DLC1: variants seen among roughly 807,000 people sequenced by gnomAD.
DLC1 encodes rho GTPase-activating protein 7.
A neutral mutation model predicts 140.3 loss-of-function variants in DLC1; 54 were observed. The observed-to-expected ratio is 0.38, with a 90% CI of 0.31 to 0.48. The LOEUF is 0.48. DLC1 is among the 20% of genes least tolerant of loss of function. The pLI, the probability that DLC1 is intolerant of heterozygous loss-of-function variation, is 0.96. For missense variants in DLC1, 2,536 were observed against 1,907.0 expected, an observed-to-expected ratio of 1.33 and a Z score of -6.14; for synonymous variants, 986 against 728.1, an observed-to-expected ratio of 1.35 and a Z score of -5.70.
At chr8:13,458,573 G>C (rs1211990991) in intron 2 of DLC1, among the ~76,000 whole-genome samples, 1 of 152,106 alleles carries the variant, frequency 6.6e-6, no homozygotes. Flanking sequence ...TTACCACAGA[G>C]ATCACACTGT....
At chr8:13,490,888 C>G (rs986227878) in intron 2 of DLC1, among the ~76,000 whole-genome samples, 1 of 151,454 alleles carries the variant, frequency 6.6e-6, no homozygotes, top group South Asian at 2.1e-4. Flanking sequence ...AGATCAGAGG[C>G]CCCTCATACA....
At chr8:13,281,114 C>A (rs1831351539) in intron 5 of DLC1, among the ~76,000 whole-genome samples, 1 of 152,196 alleles carries the variant, frequency 6.6e-6, no homozygotes, top group South Asian at 2.1e-4. Flanking sequence ...TGATAACTGG[C>A]ATCTAGCGTG....
intron 1 of DLC1, among the ~76,000 whole-genome samples, chr8:13,527,976 A>G (rs1802973555): frequency 6.6e-6 from 1 of 152,160 alleles, no homozygotes; most frequent in Non-Finnish European, 1.5e-5. Context: ...TTAAGTAGTT[A>G]TTAGCCACAT....
intron 1 of DLC1, among the ~76,000 whole-genome samples, chr8:13,528,881 C>T (rs12677194): frequency 0.13 from 19,060 of 152,086 alleles, 1,807 homozygotes; most frequent in East Asian, 0.37. Flanking sequence ...ACTGTTTTCT[C>T]TGGGTTGTAC....
intron 2 of DLC1, among the ~76,000 whole-genome samples, chr8:13,445,966 A>C (rs1327222050): frequency 6.6e-6 from 1 of 152,146 alleles, no homozygotes; most frequent in Non-Finnish European, 1.5e-5. Context: ...GGGGCAAGGG[A>C]ATGGTTTAAG....
chr8:13,286,830 G>C (rs1349303632), intron 5 of DLC1, among the ~76,000 whole-genome samples: 1 of 151,908 alleles, frequency 6.6e-6, no homozygotes, highest in African/African-American at 2.4e-5. Flanking sequence ...AAAAAAGAAA[G>C]CCTTTGATAA....
chr8:13,382,155 A>G (rs1221172352), intron 4 of DLC1, among the ~76,000 whole-genome samples: 2 of 152,160 alleles, frequency 1.3e-5, no homozygotes, highest in Admixed American at 1.3e-4. Context: ...AATGATCTAG[A>G]TAAGGAGATT....
intron 4 of DLC1, among the ~76,000 whole-genome samples, chr8:13,325,663 TAAC>T (rs1833310853): frequency 1.3e-5 from 2 of 152,192 alleles, no homozygotes; most frequent in South Asian, 4.1e-4. Flanking sequence ...GAAAATGCTA[TAAC>T]GATTTAGGAA....
At chr8:13,297,821 C>A (rs1010516910) in intron 5 of DLC1, among the ~76,000 whole-genome samples, 2 of 152,088 alleles carry the variant, frequency 1.3e-5, no homozygotes, top group African/African-American at 4.8e-5. Context: ...TGGATCCAAG[C>A]AATGATGATC....
intron 5 of DLC1, among the ~76,000 whole-genome samples, chr8:13,191,679 A>T (rs1826763485): frequency 6.6e-6 from 1 of 152,160 alleles, no homozygotes; most frequent in Admixed American, 6.5e-5. Context: ...CCTTAATTTT[A>T]TAAAGCCTAA....
Position 13,099,728 on chromosome 8 carries a change from C to A in DLC1, c.2609G>T (p.Ser870Ile). 1 of 1,614,144 alleles carries A rather than the reference C, an allele frequency of 6.2e-7. No individual in the cohort carries two copies. ...GATGCTCAGGCGGCTGCTCATGGAG[C>A]TGGAAGAATTGCGTCTCTTCAGTTC... ...PKELKRRNSS[S>I]SMSSRLSIYD... The change falls in exon 9 of 18, where the codon AGC becomes ATC. Residue 870 changes from serine (S) to isoleucine (I), a missense_variant. Physicochemically the swap from Ser to Ile is moderately radical, Grantham distance 142 (BLOSUM62 -2). Transcript: ENST00000276297.
chr8:13,211,402 C>G (rs575869495), intron 5 of DLC1, among the ~76,000 whole-genome samples: 1 of 152,134 alleles, frequency 6.6e-6, no homozygotes, highest in African/African-American at 2.4e-5. Flanking sequence ...CTATGGAACA[C>G]CGTTTTGCTG....
Position 13,206,090 on chromosome 8 carries a change from A to G in DLC1, c.1349-90433T>C, listed in dbSNP as rs78136279. 7.2e-3 allele frequency among the ~76,000 whole-genome samples: 1,092 copies of G among 152,316 alleles called. 37 individuals are homozygous for G. Among genetic ancestry groups the G allele is most frequent in the Admixed American group, 0.055 (845 of 15,282 alleles). ...GCAAAGTCATCACTGTTAGCAAGAC[A>G]TTTTAAATATATTCTGTGATTTCTC... On this transcript the variant is annotated intron_variant, in intron 5 of 17. Coordinates refer to ENST00000276297, the MANE Select transcript of DLC1 (RefSeq NM_182643.3).
chr8:13,452,506 A>G (rs1799112702), intron 2 of DLC1, among the ~76,000 whole-genome samples: 1 of 152,210 alleles, frequency 6.6e-6, no homozygotes, highest in Non-Finnish European at 1.5e-5. Context: ...TTACTTTTCA[A>G]CCATTTGCTA....
At chr8:13,098,114 A>G (rs1191330073) in intron 10 of DLC1, among the ~76,000 whole-genome samples, 1 of 148,328 alleles carries the variant, frequency 6.7e-6, no homozygotes, top group East Asian at 2.0e-4. Flanking sequence ...GAGTCCAGCC[A>G]CTCTGGAGCC....
intron 4 of DLC1, among the ~76,000 whole-genome samples, chr8:13,359,289 C>G (rs1297255691): frequency 6.6e-6 from 1 of 152,110 alleles, no homozygotes; most frequent in East Asian, 1.9e-4. Context: ...ACAAAACCTG[C>G]CTCATAAGCT....
chr8:13,418,408 G>C (rs937609810), intron 2 of DLC1, among the ~76,000 whole-genome samples: 5 of 152,254 alleles, frequency 3.3e-5, no homozygotes, highest in African/African-American at 1.2e-4. Context: ...GTAAGGAAGG[G>C]ATCCAGTTTC....
chr8:13,094,614 C>A, intron 12 of DLC1, 145 bp downstream of exon 12: 1 of 953,928 alleles, frequency 1.0e-6, no homozygotes, highest in Non-Finnish European at 1.6e-6. Context: ...TGCAGTGAGC[C>A]GAGGTCACGC....
At chr8:13,553,607 C>T (rs1304987191) in intron 1 of DLC1, among the ~76,000 whole-genome samples, 1 of 152,010 alleles carries the variant, frequency 6.6e-6, no homozygotes, top group Non-Finnish European at 1.5e-5. Context: ...TCACCTTCAG[C>T]CTCCCAAAGT....
Sources: allele counts gnomAD v4.1 joint callset (sites outside exome capture counted in the v4.1 genomes callset), GRCh38; gene constraint gnomAD v4.1.1; transcripts MANE v1.5; gene names NCBI Gene and HGNC (gene_info 2026-07-23, HGNC 2026-07-21).